The following TNIP1 variants were observed in gnomAD, a reference collection of about 807,000 sequenced individuals.
TNIP1 encodes the protein TNFAIP3 interacting protein 1.
In TNIP1, 22 loss-of-function variants were observed where a neutral mutation model predicts 86.6. The observed-to-expected ratio is 0.25, with a 90% CI of 0.18 to 0.36. The LOEUF is 0.36. TNIP1 is among the 10% of genes least tolerant of loss of function. The pLI is 1.00. For synonymous variants in TNIP1, 294 were observed against 313.0 expected (o/e 0.94, Z 0.64); for missense variants, 709 against 820.6 (o/e 0.86, Z 1.66).
Position 151,032,372 on chromosome 5 carries a change from G to C in TNIP1, c.1791C>G (p.Thr597=). The C allele has an allele frequency of 1.9e-6, 3 of 1,614,038 alleles. No homozygotes were observed. The highest frequency in any genetic ancestry group is 2.5e-6 in the Non-Finnish European group (3 of 1,180,002). ...NSRLFHLPEY[T]WRLPCGGVRN... ...GAACCCCTCCACAGGGTAGACGCCA[G>C]GTGTATTCCGGCTGCGACAAAACTG... Residue 597 remains threonine, a synonymous_variant, in exon 17 of 18, where the codon ACC becomes ACG. Coordinates refer to ENST00000521591, the MANE Select transcript of TNIP1 (RefSeq NM_006058.5).
intron 1 of TNIP1, among the ~76,000 whole-genome samples, chr5:151,079,081 A>C (rs1763712584): frequency 6.6e-6 from 1 of 152,196 alleles, no homozygotes; most frequent in Non-Finnish European, 1.5e-5. Flanking sequence ...CAAGGCTGGG[A>C]GACAAACGTG....
At chr5:151,034,547 G>A (rs956126297) in intron 15 of TNIP1, 2 of 294,908 alleles carry the variant, frequency 6.8e-6, no homozygotes, top group Non-Finnish European at 6.4e-6. Context: ...ACATGGGCAC[G>A]GAAGGCTGAT....
chr5:151,057,766 T>G (rs1284121739), intron 5 of TNIP1, among the ~76,000 whole-genome samples: 1 of 152,206 alleles, frequency 6.6e-6, no homozygotes. Context: ...ATTTTTTTCT[T>G]GTCATTATTC....
intron 8 of TNIP1, among the ~76,000 whole-genome samples, chr5:151,049,314 C>A (rs1400876675): frequency 6.6e-6 from 1 of 152,086 alleles, no homozygotes; most frequent in Non-Finnish European, 1.5e-5. Flanking sequence ...GGGAGTGGGC[C>A]AGCCCTGCAG....
intron 13 of TNIP1, among the ~76,000 whole-genome samples, chr5:151,036,444 T>TA (rs1757712284): frequency 6.6e-6 from 1 of 152,254 alleles, no homozygotes; most frequent in East Asian, 1.9e-4. Context: ...TGCGTACAGT[T>TA]ACTTTCTACT....
At chr5:151,070,991 G>A (rs1235281006) in intron 1 of TNIP1, among the ~76,000 whole-genome samples, 1 of 152,016 alleles carries the variant, frequency 6.6e-6, no homozygotes, top group Non-Finnish European at 1.5e-5. Flanking sequence ...CCACTCTGGT[G>A]GAGGATGTTG....
At chr5:151,052,281 A>G in intron 6 of TNIP1, 22 bp from the exon 7 acceptor site, 1 of 1,605,056 alleles carries the variant, frequency 6.2e-7, no homozygotes, top group Non-Finnish European at 8.5e-7. Context: ...GGGAACAGAC[A>G]GGGTGAGGGA....
chr5:151,061,762 G>A (rs1007986365), intron 4 of TNIP1, among the ~76,000 whole-genome samples: 7 of 152,216 alleles, frequency 4.6e-5, no homozygotes, highest in Non-Finnish European at 1.5e-5. Flanking sequence ...ATAGGCATGA[G>A]CCACTGCGCC....
At position 151,033,730 on chromosome 5, in the gene TNIP1, GGTAGGC is replaced by G; in HGVS notation, c.1651_1656del (p.Ala551_Tyr552del). 1 of 1,360,636 alleles carries G rather than the reference GGTAGGC, an allele frequency of 7.3e-7. No individual in the cohort carries two copies. The highest frequency in any genetic ancestry group is 9.5e-7 in the Non-Finnish European group (1 of 1,047,566). The allele number at this position is 1,360,636 out of a possible 1,614,324, so 84.3% of individuals were successfully genotyped here. On this transcript the variant is annotated inframe_deletion, in exon 16 of 18. Coordinates refer to ENST00000521591, the MANE Select transcript of TNIP1 (RefSeq NM_006058.5). ...TGTGGCACCATGGCTGGCATGGGCG[GGTAGGC>G]GTAGGGGTAGGCCCCGCAGAGATGT... is the stretch of plus-strand genomic sequence containing the variant.
At chr5:151,078,848 T>C (rs1038162356) in intron 1 of TNIP1, among the ~76,000 whole-genome samples, 1 of 152,126 alleles carries the variant, frequency 6.6e-6, no homozygotes, top group Non-Finnish European at 1.5e-5. Flanking sequence ...AACCAGTGGG[T>C]TGGAGAGAGA....
At chr5:151,037,110 C>A in intron 12 of TNIP1, 189 bp from the exon 13 acceptor site, 1 of 638,418 alleles carries the variant, frequency 1.6e-6, no homozygotes, top group Middle Eastern at 4.5e-4. Flanking sequence ...GGATCTTCTG[C>A]ACAGTGCCAT....
chr5:151,059,315 C>T (rs1761079683), intron 5 of TNIP1, among the ~76,000 whole-genome samples: 1 of 152,216 alleles, frequency 6.6e-6, no homozygotes, highest in Admixed American at 6.5e-5. Context: ...ACAGAAGGTT[C>T]CAGGCGACAG....
chr5:151,035,664 C>G lies in TNIP1; in HGVS notation c.1439G>C (p.Arg480Pro). 6.2e-7 allele frequency: 1 copy of G among 1,614,158 alleles called. No homozygotes were observed. The highest frequency in any genetic ancestry group is 8.5e-7 in the Non-Finnish European group (1 of 1,180,036). Residue 480 changes from arginine to proline, a missense_variant, in exon 14 of 18, where the codon CGT becomes CCT. By Grantham distance (103) the Arg-to-Pro change is moderately radical. Transcript: ENST00000521591. ...TTCCTTCTCCTCATTCATGCGCTCA[C>G]GATCACTGCGCTCCCTCTGGAAGTC... is the stretch of plus-strand genomic sequence containing the variant. ...EEDFQRERSD[R>P]ERMNEEKEEL...
chr5:151,061,601 C>T (rs537112524), intron 4 of TNIP1, among the ~76,000 whole-genome samples: 63 of 152,188 alleles, frequency 4.1e-4, no homozygotes, highest in African/African-American at 1.4e-3. Context: ...CCTCAGCCAG[C>T]CTCCCAAGTA....
chr5:151,034,663 C>A, intron 15 of TNIP1: 2 of 366,924 alleles, frequency 5.5e-6, no homozygotes, highest in Non-Finnish European at 1.0e-5. Flanking sequence ...AAAGGCTGGG[C>A]ATGGGCACAA....
At chr5:151,075,961 G>T (rs947078272) in intron 1 of TNIP1, among the ~76,000 whole-genome samples, 13 of 152,174 alleles carry the variant, frequency 8.5e-5, no homozygotes, top group African/African-American at 3.1e-4. Flanking sequence ...TGCCTGGGCT[G>T]CCCGGTTTGT....
intron 1 of TNIP1, among the ~76,000 whole-genome samples, chr5:151,074,732 C>T (rs1763188257): frequency 6.6e-6 from 1 of 152,180 alleles, no homozygotes; most frequent in Admixed American, 6.5e-5. Flanking sequence ...TGGCAATTTC[C>T]TATCAGGAAA....
At chr5:151,078,674 C>T (rs73799426) in intron 1 of TNIP1, among the ~76,000 whole-genome samples, 3,527 of 152,144 alleles carry the variant, frequency 0.023, 132 homozygotes, top group African/African-American at 0.08. Context: ...GAGACTTGAT[C>T]GATAAGGAAA....
intron 8 of TNIP1, 134 bp downstream of exon 8, chr5:151,049,690 A>G: frequency 1.8e-6 from 2 of 1,124,630 alleles, no homozygotes; most frequent in South Asian, 2.9e-5. Context: ...AAAGAAAAAA[A>G]CACGTAACAG....
Sources: gnomAD v4.1 joint callset for allele counts (sites outside exome capture counted in the v4.1 genomes callset) on GRCh38, gnomAD v4.1.1 for gene constraint, MANE v1.5 for transcripts, NCBI Gene and HGNC (gene_info 2026-07-23, HGNC 2026-07-21) for gene names.